The following NRIP2 variants were observed in gnomAD, a reference collection of about 807,000 sequenced individuals.
NRIP2 encodes the protein nuclear receptor interacting protein 2, also known as nuclear receptor-interacting protein 2.
A neutral mutation model predicts 34.1 loss-of-function variants in NRIP2; 27 were observed. The ratio of observed to expected loss-of-function variants is 0.79; its 90% CI spans 0.58 to 1.09. The LOEUF is 1.09. NRIP2 is among the 50% of genes least tolerant of loss of function. The pLI, the probability that NRIP2 is intolerant of heterozygous loss-of-function variation, is 0.00. For synonymous variants in NRIP2, 145 were observed against 146.9 expected, an observed-to-expected ratio of 0.99 and a Z score of 0.09; for missense variants, 385 against 352.6, an observed-to-expected ratio of 1.09 and a Z score of -0.74.
intron 1 of NRIP2, among the ~76,000 whole-genome samples, chr12:2,833,381 C>T (rs1344453551): frequency 6.6e-6 from 1 of 152,100 alleles, no homozygotes; most frequent in Non-Finnish European, 1.5e-5. Flanking sequence ...TGAATTAAGT[C>T]TCAGTGCAAT....
At chr12:2,828,953 T>G (rs2097985303) in intron 2 of NRIP2, among the ~76,000 whole-genome samples, 1 of 152,108 alleles carries the variant, frequency 6.6e-6, no homozygotes, top group Non-Finnish European at 1.5e-5. Flanking sequence ...ATGCTTGTAG[T>G]TCTAGCACTT....
chr12:2,827,409 T>C lies in NRIP2; in HGVS notation c.754-110A>G. The C allele has an allele frequency of 6.6e-7, 1 of 1,520,330 alleles. No homozygotes were observed. Among genetic ancestry groups the C allele is most frequent in the Middle Eastern group, 2.2e-4 (1 of 4,504 alleles). The allele number at this position is 1,520,330 out of a possible 1,614,324, so 94.2% of individuals were successfully genotyped here. On this transcript the variant is annotated intron_variant, in intron 5 of 5. Coordinates refer to ENST00000337508, the MANE Select transcript of NRIP2 (RefSeq NM_031474.3). This position sits in a 1 kb window ranked among gnomAD's most constrained non-coding sequence, Gnocchi z 4.0. The stretch of plus-strand genomic sequence containing the variant: ...CCCACAGCTTCCACCTGCCTTTTGC[T>C]CTTCCCCCATCCCCATTTCCCTAGA...
In NRIP2 at chr12:2,834,692, C is replaced by G. The variant is rs777117189; in HGVS notation, c.292G>C (p.Asp98His). 1 of 1,613,386 alleles carries G rather than the reference C, an allele frequency of 6.2e-7. No individual in the cohort carries two copies. Among genetic ancestry groups the G allele is most frequent in the Non-Finnish European group, 8.5e-7 (1 of 1,179,674 alleles). Residue 98 changes from aspartate to histidine, a missense_variant, in exon 1 of 6, where the codon GAC becomes CAC. Asp to His is a moderately conservative substitution (Grantham distance 81). Coordinates refer to ENST00000337508, the MANE Select transcript of NRIP2 (RefSeq NM_031474.3). ...ATQFLHKDSA[D>H]LLPLDSLKRL... ...TTGAGGCTGTCCAGCGGGAGCAGGT[C>G]GGCCGAGTCCTTGTGCAGGAACTGG...
chr12:2,830,790 C>G lies in NRIP2; in HGVS notation c.413G>C (p.Arg138Pro), dbSNP rs944752207. 13 of 1,613,700 alleles carry G rather than the reference C, an allele frequency of 8.1e-6. No homozygotes were observed. The African/African-American group carries it at 1.7e-4, about 22-fold the overall frequency. Reference sequence around the variant, plus strand: ...CTGGCCATGAATCAGGTCCTGCATCCGGGGAGGCTCCCCCTGAAGCCAATT... The same window carrying G: ...CTGGCCATGAATCAGGTCCTGCATCGGGGGAGGCTCCCCCTGAAGCCAATT... ...NPNWLQGEPP[R>P]MQDLIHGQES... The change falls in exon 2 of 6, where the codon CGG becomes CCG. Residue 138 changes from arginine to proline, a missense_variant. By Grantham distance (103) the Arg-to-Pro change is moderately radical. Coordinates refer to ENST00000337508, the MANE Select transcript of NRIP2 (RefSeq NM_031474.3).
Position 2,834,919 on chromosome 12 carries a change from G to A in NRIP2, c.65C>T (p.Thr22Met), listed in dbSNP as rs760953722. The change falls in exon 1 of 6, where the codon ACG becomes ATG. Residue 22 changes from threonine to methionine, a missense_variant. By Grantham distance (81) the Thr-to-Met change is moderately conservative. Transcript: ENST00000337508. ...RPSCWKESCS[T>M]GQRQAGRSRE... ...GCTTCTTCCTGCCTGTCTCTGTCCCGTGCTGCAGCTCTCTTTCCAACAGGA... is the reference window on the plus strand; with the variant it reads ...GCTTCTTCCTGCCTGTCTCTGTCCCATGCTGCAGCTCTCTTTCCAACAGGA... The A allele has an allele frequency of 4.5e-5, 72 of 1,612,888 alleles. No homozygotes were observed. Among genetic ancestry groups the A allele is most frequent in the Non-Finnish European group, 5.2e-5 (61 of 1,179,578 alleles).
At position 2,830,764 on chromosome 12, in the gene NRIP2, C is replaced by T; in HGVS notation, c.439G>A (p.Glu147Lys). The T allele has an allele frequency of 6.2e-7, 1 of 1,613,954 alleles. No homozygotes were observed. Among genetic ancestry groups the T allele is most frequent in the Non-Finnish European group, 8.5e-7 (1 of 1,179,944 alleles). The change falls in exon 2 of 6, where the codon GAG becomes AAG. Residue 147 changes from glutamate to lysine, a missense_variant. Transcript: ENST00000337508. ...GTCCTGCTGGTCTTCCTCCTGCTCT[C>T]CTGGCCATGAATCAGGTCCTGCATC... ...PRMQDLIHGQ[E>K]SRRKTSRTEI...
intron 2 of NRIP2, among the ~76,000 whole-genome samples, chr12:2,828,900 G>C (rs1179024053): frequency 1.3e-5 from 2 of 152,046 alleles, no homozygotes; most frequent in Non-Finnish European, 1.5e-5. Flanking sequence ...AGAACTCCCA[G>C]ATAAATAAAT....
chr12:2,831,600 C>CA (rs1462400510), intron 1 of NRIP2, among the ~76,000 whole-genome samples: 2 of 151,136 alleles, frequency 1.3e-5, no homozygotes, highest in Non-Finnish European at 1.5e-5. Context: ...AAAAACCAAA[C>CA]AAAAAAAACT....
At position 2,826,884 on chromosome 12, in the gene NRIP2, G is replaced by T; in HGVS notation, c.*323C>A. 1 of 817,700 alleles carries T rather than the reference G, an allele frequency of 1.2e-6. No individual in the cohort carries two copies. Among genetic ancestry groups the T allele is most frequent in the Non-Finnish European group, 1.6e-6 (1 of 621,036 alleles). The allele number at this position is 817,700 out of a possible 1,614,324, so 50.7% of individuals were successfully genotyped here. A position where few individuals can be genotyped will look rare whatever the true frequency, so the allele number is the denominator to read the frequency against. ...AAGGACAGCAGTCAGCAGAGCCTTCGACCCAGCCCAAGCAGGCACCCCATT... is the reference window on the plus strand; with the variant it reads ...AAGGACAGCAGTCAGCAGAGCCTTCTACCCAGCCCAAGCAGGCACCCCATT... On this transcript the variant is annotated 3_prime_UTR_variant, in exon 6 of 6. Coordinates refer to ENST00000337508, the MANE Select transcript of NRIP2 (RefSeq NM_031474.3).
In NRIP2 at chr12:2,830,852, G is replaced by A; in HGVS notation, c.351C>T (p.Arg117=). The change falls in exon 2 of 6, where the codon CGC becomes CGT. Residue 117 remains arginine (R), a synonymous_variant. Transcript: ENST00000337508. ...CCACCAGGCGTCTTTGGATCACACT[G>A]CGCGGCTGCTGGCTCCATCACAAAA... The part of the protein sequence containing the change: ...RLGTSKDLQP[R]SVIQRRLVEG... The A allele has an allele frequency of 6.2e-7, 1 of 1,612,758 alleles. No homozygotes were observed. The highest frequency in any genetic ancestry group is 8.5e-7 in the Non-Finnish European group (1 of 1,179,500).
Position 2,826,817 on chromosome 12 carries a change from T to C in NRIP2, c.*390A>G. 1 of 265,302 alleles carries C rather than the reference T, an allele frequency of 3.8e-6. No individual in the cohort carries two copies. The highest frequency in any genetic ancestry group is 4.4e-5 in the South Asian group (1 of 22,750). The allele number at this position is 265,302 out of a possible 1,614,324, so 16.4% of individuals were successfully genotyped here. A position where few individuals can be genotyped will look rare whatever the true frequency, so the allele number is the denominator to read the frequency against. On this transcript the variant is annotated 3_prime_UTR_variant, in exon 6 of 6. Coordinates refer to ENST00000337508, the MANE Select transcript of NRIP2 (RefSeq NM_031474.3). ...AGGTGTGGTGAGAGACATGGTGGTG[T>C]GGGAAGTTGAGTTGTGTTTGGGGTG...
rs76704602 is a variant in NRIP2, at chr12:2,834,131, C to T, written c.342+511G>A. Among the ~76,000 whole-genome samples the T allele has an allele frequency of 5.0e-4, 76 of 152,322 alleles. No homozygotes were observed. In the East Asian group the frequency reaches 0.012, roughly 24 times the overall value. ...GGAGTTGGGGGAGCAGCACTCAAGG[C>T]GGCCAGGGGCCCCCGGCAAGAGCCA... On this transcript the variant is annotated intron_variant, in intron 1 of 5. Transcript: ENST00000337508.
intron 2 of NRIP2, among the ~76,000 whole-genome samples, chr12:2,828,756 C>T (rs558536129): frequency 9.9e-5 from 15 of 152,220 alleles, no homozygotes; most frequent in African/African-American, 1.4e-4. Flanking sequence ...GCAGGAGAAT[C>T]GCTTGAACCC....
In NRIP2 at chr12:2,827,766, C is replaced by T. The variant is rs1422996623; in HGVS notation, c.701-89G>A. ...TTAGCCGTTGCTCCTTCTCTGCCCACCCCATCCCCAGATCCGAGGACACTG... is the reference window on the plus strand; with the variant it reads ...TTAGCCGTTGCTCCTTCTCTGCCCATCCCATCCCCAGATCCGAGGACACTG... On this transcript the variant is annotated intron_variant, in intron 4 of 5. Transcript: ENST00000337508. This position sits in a 1 kb window ranked among gnomAD's most constrained non-coding sequence, Gnocchi z 4.0. 6.8e-6 allele frequency: 11 copies of T among 1,609,196 alleles called. No homozygotes were observed. In the Admixed American group the frequency reaches 1.2e-4, roughly 17 times the overall value.
chr12:2,829,108 A>G (rs567240106), intron 2 of NRIP2, among the ~76,000 whole-genome samples: 2 of 152,288 alleles, frequency 1.3e-5, no homozygotes, highest in South Asian at 4.1e-4. Context: ...ATCTGCCAGA[A>G]ATGGAGAAAC....
At chr12:2,832,615 T>A (rs1412144825) in intron 1 of NRIP2, among the ~76,000 whole-genome samples, 2 of 151,862 alleles carry the variant, frequency 1.3e-5, no homozygotes, top group African/African-American at 4.8e-5. Context: ...CACGCCAAGC[T>A]GGGGTCCCTT....
intron 1 of NRIP2, among the ~76,000 whole-genome samples, 195 bp downstream of exon 1, chr12:2,834,447 C>T (rs555216518): frequency 1.3e-5 from 2 of 152,150 alleles, no homozygotes; most frequent in African/African-American, 2.4e-5. Context: ...GAATAGGAAC[C>T]CTCAGAGCCA....
At chr12:2,830,617 C>G in intron 2 of NRIP2, 91 bp downstream of exon 2, 1 of 1,379,898 alleles carries the variant, frequency 7.2e-7, no homozygotes, top group Non-Finnish European at 9.8e-7. Flanking sequence ...CCCTCCCTCC[C>G]TCTCCCATCA....
chr12:2,827,278 C>G lies in NRIP2; in HGVS notation c.775G>C (p.Gly259Arg), dbSNP rs1427270593. 3.1e-6 allele frequency: 5 copies of G among 1,613,868 alleles called. No homozygotes were observed. The highest frequency in any genetic ancestry group is 1.7e-5 in the Admixed American group (1 of 59,990). The change falls in exon 6 of 6, where the codon GGA (glycine) becomes CGA (arginine). Residue 259 changes from glycine to arginine, a missense_variant. Coordinates refer to ENST00000337508, the MANE Select transcript of NRIP2 (RefSeq NM_031474.3). The surrounding 1 kb of genome is among the most constrained non-coding windows in gnomAD (Gnocchi z 4.0). ...SLKCCIDLEH[G>R]VLRLKAPFSE... is the part of the protein sequence containing the mutation. Reference sequence around the variant, plus strand: ...AACGGGGCTTTCAGCCGCAGCACTCCGTGCTCCAGGTCGATGCAGCACTGC... The same window carrying G: ...AACGGGGCTTTCAGCCGCAGCACTCGGTGCTCCAGGTCGATGCAGCACTGC...
Sources: allele counts gnomAD v4.1 joint callset (sites outside exome capture counted in the v4.1 genomes callset), GRCh38; gene constraint gnomAD v4.1.1; non-coding constraint Gnocchi (gnomAD v3.1); transcripts MANE v1.5; gene names NCBI Gene and HGNC (gene_info 2026-07-23, HGNC 2026-07-21).